USP40: variants seen among roughly 807,000 people sequenced by gnomAD.
The protein encoded by USP40 is ubiquitin specific peptidase 40, also known as ubiquitin carboxyl-terminal hydrolase 40.
A neutral mutation model predicts 166.2 loss-of-function variants in USP40; 143 were observed. The ratio of observed to expected loss-of-function variants is 0.86; its 90% CI spans 0.75 to 0.99. The LOEUF is 0.99. Ranked by LOEUF, USP40 falls within the 50% of genes least tolerant of loss-of-function variation. USP40 has a pLI of 0.00. For missense variants in USP40, 1,444 were observed against 1,479.7 expected (o/e 0.98, Z 0.40); for synonymous variants, 498 against 524.0 (o/e 0.95, Z 0.68).
intron 8 of USP40, chr2:233,546,685 CACTT>C (rs946132145): frequency 1.3e-5 from 2 of 152,204 alleles, no homozygotes; most frequent in African/African-American, 2.4e-5. Context: ...CCATAATAAA[CACTT>C]ACCAGACATG....
In USP40 at chr2:233,493,549, A is replaced by G. The variant is rs1290298505; in HGVS notation, c.2793T>C (p.Gly931=). The G allele has an allele frequency of 3.1e-6, 5 of 1,611,254 alleles. No individual in the cohort carries two copies. Among genetic ancestry groups the G allele is most frequent in the Non-Finnish European group, 4.2e-6 (5 of 1,178,650 alleles). The change falls in exon 25 of 32, where the codon GGT becomes GGC. Residue 931 remains glycine, a splice_region_variant and synonymous_variant. Coordinates refer to ENST00000678225, the MANE Select transcript of USP40 (RefSeq NM_001365479.2). This position sits in a 1 kb window ranked among gnomAD's most constrained non-coding sequence, Gnocchi z 4.7. ...ACCACCAGATGGGCACCTTCAGGAA[A>G]CCCTGAAGAATGGAGCATGTTTAAC... ...LLIEGQLPPL[G]FLKVPIWWYQ... is the part of the protein sequence containing the mutation.
rs562542589 is a variant in USP40, at chr2:233,561,244, G to C, written c.268-1320C>G. Reference sequence around the variant, plus strand: ...ATAAAGTTCATATGGAACCAAAAAAGAGCCCGCATCGCCAAGTCAATCCTA... The same window carrying C: ...ATAAAGTTCATATGGAACCAAAAAACAGCCCGCATCGCCAAGTCAATCCTA... On this transcript the variant is annotated intron_variant, in intron 3 of 31. Transcript: ENST00000678225. The C allele has an allele frequency of 2.9e-5, 45 of 1,527,568 alleles. No individual in the cohort carries two copies. The African/African-American group carries it at 5.7e-4, about 19-fold the overall frequency. 94.6% of individuals were successfully genotyped at this position (1,527,568 alleles called of 1,614,324 possible).
chr2:233,500,779 T>G (rs546607394), intron 21 of USP40, among the ~76,000 whole-genome samples: 144 of 152,204 alleles, frequency 9.5e-4, no homozygotes, highest in Non-Finnish European at 1.8e-3. Context: ...TGATCCCATT[T>G]ATAATTTAAA....
intron 23 of USP40, among the ~76,000 whole-genome samples, chr2:233,498,188 G>C (rs892639781): frequency 6.6e-6 from 1 of 152,150 alleles, no homozygotes; most frequent in African/African-American, 2.4e-5. Context: ...ACCTTACAGA[G>C]AAACTCTGAG....
At chr2:233,561,178 C>T (rs778207797) in intron 3 of USP40, 4 of 1,580,018 alleles carry the variant, frequency 2.5e-6, no homozygotes, top group Non-Finnish European at 2.6e-6. Context: ...CGGGTTTATC[C>T]TTATCTTCAA....
rs2064171680 is a variant in USP40 at position 233,476,066 on chromosome 2, GAC to G, written c.*1324_*1325del. 1.3e-5 allele frequency: 2 copies of G among 152,386 alleles called. No homozygotes were observed. Among genetic ancestry groups the G allele is most frequent in the Non-Finnish European group, 2.9e-5 (2 of 68,068 alleles). The allele number at this position is 152,386 out of a possible 1,614,324, so 9.4% of individuals were successfully genotyped here. A position where few individuals can be genotyped will look rare whatever the true frequency, so the allele number is the denominator to read the frequency against. On this transcript the variant is annotated 3_prime_UTR_variant, in exon 32 of 32. Coordinates refer to ENST00000678225, the MANE Select transcript of USP40 (RefSeq NM_001365479.2). ...CAGACGTCTATGGCAGACGCTCTCA[GAC>G]ACGTGTGCAGAAGCGACGTGGCTTC... is the stretch of plus-strand genomic sequence containing the variant.
intron 4 of USP40, among the ~76,000 whole-genome samples, chr2:233,557,391 A>T (rs1287537151): frequency 6.6e-6 from 1 of 152,268 alleles, no homozygotes; most frequent in African/African-American, 2.4e-5. Flanking sequence ...CCTCACTGAG[A>T]TCAGAGCACA....
At chr2:233,557,395 G>C (rs543279879) in intron 4 of USP40, among the ~76,000 whole-genome samples, 13 of 152,332 alleles carry the variant, frequency 8.5e-5, no homozygotes, top group South Asian at 2.1e-4. Context: ...ACTGAGATCA[G>C]AGCACATGTG....
chr2:233,502,116 A>G (rs909891809), intron 21 of USP40, among the ~76,000 whole-genome samples: 2 of 152,234 alleles, frequency 1.3e-5, no homozygotes, highest in African/African-American at 2.4e-5. Flanking sequence ...CCCTGACATA[A>G]GCTGTTTCAG....
Position 233,554,459 on chromosome 2 carries a change from A to G in USP40, c.614T>C (p.Met205Thr), listed in dbSNP as rs755054772. The G allele has an allele frequency of 5.6e-6, 9 of 1,613,368 alleles. No homozygotes were observed. In the East Asian group the frequency reaches 2.0e-4, roughly 36 times the overall value. ...ATCAAAAACTTCCTCTTCTACATACATGTTCCAGAGAGCATCTTCCAAACC... is the reference window on the plus strand; with the variant it reads ...ATCAAAAACTTCCTCTTCTACATACGTGTTCCAGAGAGCATCTTCCAAACC... ...VSGLEDALWN[M>T]YVEEEVFDCD... The change falls in exon 6 of 32, where the codon ATG (methionine) becomes ACG (threonine). Residue 205 changes from methionine (M) to threonine (T), a missense_variant. Physicochemically the swap from Met to Thr is moderately conservative, Grantham distance 81. Transcript: ENST00000678225.
chr2:233,538,808 G>A (rs2069130775), intron 10 of USP40, among the ~76,000 whole-genome samples: 1 of 152,112 alleles, frequency 6.6e-6, no homozygotes, highest in Admixed American at 6.5e-5. Flanking sequence ...CTTGAGCCCA[G>A]AAGTTCAAGA....
intron 18 of USP40, among the ~76,000 whole-genome samples, chr2:233,517,781 G>GGTGT (rs111938537): frequency 0.014 from 1,986 of 142,228 alleles, 26 homozygotes; most frequent in East Asian, 0.024. Flanking sequence ...AAGAAACTGT[G>GGTGT]GTGTGTGTGT....
chr2:233,533,463 AT>A lies in USP40; in HGVS notation c.1471+15del. ...GCCATTAACTGAAACAAATAGGAACATTTTTCTTTCCATACCTTCAGGGGGT... is the reference window on the plus strand; with the variant it reads ...GCCATTAACTGAAACAAATAGGAACATTTTCTTTCCATACCTTCAGGGGGT... On this transcript the variant is annotated intron_variant, in intron 11 of 31. Transcript: ENST00000678225. 1 of 1,599,956 alleles carries A rather than the reference AT, an allele frequency of 6.3e-7. No homozygotes were observed. Among genetic ancestry groups the A allele is most frequent in the Non-Finnish European group, 8.5e-7 (1 of 1,172,316 alleles).
At chr2:233,528,451 A>G (rs1332167870) in intron 12 of USP40, among the ~76,000 whole-genome samples, 1 of 152,208 alleles carries the variant, frequency 6.6e-6, no homozygotes, top group African/African-American at 2.4e-5. Flanking sequence ...AATGAGGCTT[A>G]TCACGCAACT....
rs1472366649 is a variant in USP40, at chr2:233,498,040, G to A, written c.2715+508C>T. ...GAACTGGGAAATATCATGCTATTTG[G>A]ACCAACAAGATGACCAACTAGATTC... is the stretch of plus-strand genomic sequence containing the variant. On this transcript the variant is annotated intron_variant, in intron 23 of 31. Transcript: ENST00000678225. Among the ~76,000 whole-genome samples the A allele has an allele frequency of 2.6e-5, 4 of 152,188 alleles. 1 individual carries two copies. In the East Asian group the frequency reaches 7.7e-4, roughly 29 times the overall value.
At position 233,553,107 on chromosome 2, in the gene USP40, C is replaced by G. The variant is rs149384339; in HGVS notation, c.693+1273G>C. Among the ~76,000 whole-genome samples, 965 of 152,134 alleles carry G rather than the reference C, an allele frequency of 6.3e-3. 4 individuals carry two copies. Among genetic ancestry groups the G allele is most frequent in the African/African-American group, 0.022 (913 of 41,488 alleles). On this transcript the variant is annotated intron_variant, in intron 6 of 31. Transcript: ENST00000678225. ...CAGAGAAGGTTAGAGACAGCACATC[C>G]AGGCCACAGGAAATGGTATTAATAT...
Position 233,533,791 on chromosome 2 carries a change from C to A in USP40, c.1171-12G>T, listed in dbSNP as rs1373973498. The A allele has an allele frequency of 1.8e-4, 233 of 1,311,294 alleles. No homozygotes were observed. The highest frequency in any genetic ancestry group is 3.8e-4 in the Admixed American group (13 of 34,218). 81.2% of individuals were successfully genotyped at this position (1,311,294 alleles called of 1,614,324 possible). A position where few individuals can be genotyped will look rare whatever the true frequency, so the allele number is the denominator to read the frequency against. On this transcript the variant is annotated splice_polypyrimidine_tract_variant and intron_variant, in intron 10 of 31. Transcript: ENST00000678225. Reference sequence around the variant, plus strand: ...TGGAGCTGTAAGAACTACACAGAAACAAAAAAAAAAATGCTAAGTTAATTA... The same window carrying A: ...TGGAGCTGTAAGAACTACACAGAAAAAAAAAAAAAAATGCTAAGTTAATTA...
rs1387298586 is a variant in USP40 at position 233,547,441 on chromosome 2, G to T, written c.966+1660C>A. ...GAACACTTTGAAAAGCTGGCTGAGT[G>T]TCATCAAAGGGACTGTGCATCTTGG... On this transcript the variant is annotated intron_variant, in intron 8 of 31. Transcript: ENST00000678225. Among the ~76,000 whole-genome samples, 3 of 152,174 alleles carry T rather than the reference G, an allele frequency of 2.0e-5. No individual in the cohort carries two copies. In the East Asian group the frequency reaches 5.8e-4, roughly 29 times the overall value.
At chr2:233,533,894 C>G in intron 10 of USP40, 115 bp from the exon 11 acceptor site, 12 of 1,100,296 alleles carry the variant, frequency 1.1e-5, no homozygotes, top group Non-Finnish European at 1.5e-5. Flanking sequence ...ATCTTTATTT[C>G]TGACCTGGCC....
Sources: allele counts gnomAD v4.1 joint callset (sites outside exome capture counted in the v4.1 genomes callset), GRCh38; gene constraint gnomAD v4.1.1; non-coding constraint Gnocchi (gnomAD v3.1); transcripts MANE v1.5; gene names NCBI Gene and HGNC (gene_info 2026-07-23, HGNC 2026-07-21).